Variants in PARD3B observed in about 807,000 individuals in gnomAD.
PARD3B encodes partitioning defective 3 homolog B.
PARD3B carries 103 observed loss-of-function variants against 130.2 expected under a neutral mutation model. That is an observed-to-expected ratio of 0.79 (90% confidence interval 0.67 to 0.93). The LOEUF (loss-of-function observed/expected upper bound fraction) is 0.93. PARD3B is among the 40% of genes least tolerant of loss of function. The pLI is 0.00. For missense variants in PARD3B, 1,609 were observed against 1,499.2 expected (o/e 1.07, Z -1.21); for synonymous variants, 583 against 553.2 (o/e 1.05, Z -0.76).
chr2:204,699,959 A>G (rs1001769403), intron 2 of PARD3B, among the ~76,000 whole-genome samples: 9 of 152,144 alleles, frequency 5.9e-5, no homozygotes, highest in Non-Finnish European at 1.2e-4. Context: ...TTTTATATGT[A>G]TATACACTAA....
At chr2:204,850,200 A>C (rs1433838895) in intron 2 of PARD3B, among the ~76,000 whole-genome samples, 1 of 152,166 alleles carries the variant, frequency 6.6e-6, no homozygotes, top group Non-Finnish European at 1.5e-5. Flanking sequence ...TTTCATGGAA[A>C]ACAGTATGTG....
intron 2 of PARD3B, among the ~76,000 whole-genome samples, chr2:204,905,404 G>A: frequency 6.6e-6 from 1 of 152,102 alleles, no homozygotes; most frequent in East Asian, 1.9e-4. Flanking sequence ...ATAGTGTGCT[G>A]TCTCTCATTT....
intron 19 of PARD3B, among the ~76,000 whole-genome samples, chr2:205,433,115 A>G (rs1334209536): frequency 2.6e-5 from 4 of 152,224 alleles, no homozygotes; most frequent in African/African-American, 9.6e-5. Flanking sequence ...CTTTTAGATA[A>G]TGCATTTAAA....
chr2:205,188,047 C>CAGCG (rs1470626549), intron 14 of PARD3B, among the ~76,000 whole-genome samples: 1 of 152,204 alleles, frequency 6.6e-6, no homozygotes, highest in Non-Finnish European at 1.5e-5. Flanking sequence ...GCAAGAAATG[C>CAGCG]AGCGTCCTCT....
intron 2 of PARD3B, among the ~76,000 whole-genome samples, chr2:204,894,751 A>G (rs918853693): frequency 6.6e-6 from 1 of 152,132 alleles, no homozygotes; most frequent in Non-Finnish European, 1.5e-5. Flanking sequence ...AGGGGATTTC[A>G]TGAAAATTAA....
Position 204,620,703 on chromosome 2 carries a change from G to A in PARD3B, c.121-65478G>A, listed in dbSNP as rs140103724. Among the ~76,000 whole-genome samples the A allele has an allele frequency of 3.3e-3, 508 of 152,286 alleles. 4 individuals carry two copies. Among genetic ancestry groups the A allele is most frequent in the African/African-American group, 0.011 (457 of 41,562 alleles). ...TGTATAGAGGGCACTAACTGTATACGTAGTCCTGTACTGTAGGTTAGCTGT... is the reference window on the plus strand; with the variant it reads ...TGTATAGAGGGCACTAACTGTATACATAGTCCTGTACTGTAGGTTAGCTGT... On this transcript the variant is annotated intron_variant, in intron 1 of 22. Transcript: ENST00000406610.
At chr2:204,788,737 C>T (rs1259854561) in intron 2 of PARD3B, among the ~76,000 whole-genome samples, 6 of 151,594 alleles carry the variant, frequency 4.0e-5, no homozygotes, top group Admixed American at 3.9e-4. Context: ...GAGATGATTG[C>T]AAATTAGGAA....
chr2:205,141,701 G>A (rs1022389478), intron 10 of PARD3B, among the ~76,000 whole-genome samples: 1 of 152,136 alleles, frequency 6.6e-6, no homozygotes, highest in Non-Finnish European at 1.5e-5. Context: ...GGAAAAAGGG[G>A]AATCACTTTG....
chr2:204,916,519 TAGAG>T (rs1269268052), intron 2 of PARD3B, among the ~76,000 whole-genome samples: 33 of 152,216 alleles, frequency 2.2e-4, no homozygotes, highest in Non-Finnish European at 4.0e-4. Context: ...TTAAATTCTA[TAGAG>T]ATTTATTAAA....
intron 1 of PARD3B, among the ~76,000 whole-genome samples, chr2:204,656,516 G>C (rs1006065377): frequency 6.6e-6 from 1 of 151,982 alleles, no homozygotes; most frequent in African/African-American, 2.4e-5. Flanking sequence ...GACTATTTTA[G>C]GCCAATTCCT....
chr2:205,298,197 C>G (rs895475568), intron 16 of PARD3B, among the ~76,000 whole-genome samples: 1 of 152,142 alleles, frequency 6.6e-6, no homozygotes, highest in Non-Finnish European at 1.5e-5. Flanking sequence ...TCAGGGCTTT[C>G]TCAGATAGTT....
chr2:204,896,692 A>T (rs1219299981), intron 2 of PARD3B, among the ~76,000 whole-genome samples: 1 of 152,214 alleles, frequency 6.6e-6, no homozygotes, highest in Non-Finnish European at 1.5e-5. Context: ...AGAGAGACTA[A>T]TGACAAGACT....
In PARD3B at chr2:205,011,589, A is replaced by G. The variant is rs1695718526; in HGVS notation, c.395-35992A>G. Among the ~76,000 whole-genome samples, 1 of 152,130 alleles carries G rather than the reference A, an allele frequency of 6.6e-6. No homozygotes were observed. Among genetic ancestry groups the G allele is most frequent in the East Asian group, 1.9e-4 (1 of 5,176 alleles). On this transcript the variant is annotated intron_variant, in intron 3 of 22. Coordinates refer to ENST00000406610, the MANE Select transcript of PARD3B (RefSeq NM_001302769.2). The surrounding 1 kb of genome is among the most constrained non-coding windows in gnomAD (Gnocchi z 4.1). ...CTGTAGGAAGGAACTACATAGTGTA[A>G]ATCCAGGCAGTGGGGCTTGCTAGGT... is the stretch of plus-strand genomic sequence containing the variant.
At chr2:204,621,779 A>G (rs1332353203) in intron 1 of PARD3B, among the ~76,000 whole-genome samples, 3 of 152,308 alleles carry the variant, frequency 2.0e-5, no homozygotes, top group South Asian at 4.1e-4. Context: ...GTCTATCTAA[A>G]TTAGCCATTA....
At chr2:205,264,613 G>A (rs899839100) in intron 16 of PARD3B, among the ~76,000 whole-genome samples, 2 of 151,042 alleles carry the variant, frequency 1.3e-5, no homozygotes, top group Non-Finnish European at 3.0e-5. Context: ...CACTGATTTT[G>A]TGAACATAAT....
chr2:205,215,708 G>T (rs1254194793), intron 15 of PARD3B, among the ~76,000 whole-genome samples: 1 of 151,948 alleles, frequency 6.6e-6, no homozygotes, highest in African/African-American at 2.4e-5. Context: ...TTTCTGTAAG[G>T]CAGAGTGGTA....
At chr2:204,730,442 A>G (rs902490449) in intron 2 of PARD3B, among the ~76,000 whole-genome samples, 1 of 152,128 alleles carries the variant, frequency 6.6e-6, no homozygotes, top group Non-Finnish European at 1.5e-5. Context: ...ATTTTGTCAT[A>G]TATAGCAAAA....
At chr2:205,262,413 T>A (rs2105768383) in intron 16 of PARD3B, among the ~76,000 whole-genome samples, 1 of 152,198 alleles carries the variant, frequency 6.6e-6, no homozygotes, top group East Asian at 1.9e-4. Flanking sequence ...TTTCTGGGCA[T>A]GGCAACGAGA....
At chr2:205,126,230 A>T (rs193244341) in intron 10 of PARD3B, among the ~76,000 whole-genome samples, 161 of 152,316 alleles carry the variant, frequency 1.1e-3, no homozygotes, top group Non-Finnish European at 1.9e-3. Context: ...AGACATCTTG[A>T]GAAAGATGAG....
Sources: gnomAD v4.1 joint callset for allele counts (sites outside exome capture counted in the v4.1 genomes callset) on GRCh38, gnomAD v4.1.1 for gene constraint, Gnocchi (gnomAD v3.1) non-coding constraint, MANE v1.5 for transcripts, NCBI Gene and HGNC (gene_info 2026-07-23, HGNC 2026-07-21) for gene names.